The following RTL4 variants were observed in gnomAD, a reference collection of about 807,000 sequenced individuals.
RTL4 encodes retrotransposon Gag-like protein 4.
RTL4 carries 4 observed loss-of-function variants against 5.3 expected under a neutral mutation model. That is an observed-to-expected ratio of 0.75 (90% CI 0.37 to 1.72). The LOEUF is 1.72. Ranked by LOEUF, RTL4 falls within the 40% of genes most tolerant of loss-of-function variation. The probability of loss-of-function intolerance (pLI) is 0.04; values close to 1 mark genes in which losing one functional copy is unlikely to be tolerated. For synonymous variants in RTL4, 98 were observed against 87.3 expected, an observed-to-expected ratio of 1.12 and a Z score of -0.68; for missense variants, 260 against 227.1, an observed-to-expected ratio of 1.14 and a Z score of -0.93.
the RTL4 span, among the ~76,000 whole-genome samples, chrX:112,419,384 G>A: frequency 6.8e-5 from 3 of 44,206 alleles, no homozygotes; most frequent in South Asian, 1.7e-3. Context: ...TTTTTGAGAC[G>A]GAGTCTCACT....
At chrX:112,190,510 C>T in the RTL4 span, among the ~76,000 whole-genome samples, 3 of 111,714 alleles carry the variant, frequency 2.7e-5, no homozygotes, top group East Asian at 8.5e-4. Context: ...AACTTTCTAA[C>T]AGAGCCTGAC....
the RTL4 span, among the ~76,000 whole-genome samples, chrX:112,111,865 T>A: frequency 8.9e-6 from 1 of 112,106 alleles, no homozygotes; most frequent in Non-Finnish European, 1.9e-5. Context: ...TTGTTGGCAG[T>A]CATGCTCAAT....
At chrX:112,401,896 T>G in the RTL4 span, among the ~76,000 whole-genome samples, 1 of 112,332 alleles carries the variant, frequency 8.9e-6, no homozygotes, top group South Asian at 3.7e-4. Flanking sequence ...CCTTCTGCCT[T>G]ACTTTTAGGA....
the RTL4 span, among the ~76,000 whole-genome samples, chrX:112,307,417 T>G: frequency 8.9e-6 from 1 of 112,206 alleles, no homozygotes. Context: ...GTCCATATTA[T>G]GTCATTGATA....
At chrX:112,298,347 T>A in the RTL4 span, among the ~76,000 whole-genome samples, 1 of 111,817 alleles carries the variant, frequency 8.9e-6, no homozygotes, top group African/African-American at 3.3e-5. Context: ...CTCATAAACA[T>A]TAGTTATTAC....
chrX:112,224,449 C>T, the RTL4 span, among the ~76,000 whole-genome samples: 27 of 109,290 alleles, frequency 2.5e-4, no homozygotes, highest in Non-Finnish European at 9.5e-5. Flanking sequence ...TCAAGCGATT[C>T]TTGTGCCTCA....
chrX:112,156,291 A>T, the RTL4 span, among the ~76,000 whole-genome samples: 5 of 112,767 alleles, frequency 4.4e-5, no homozygotes, highest in Admixed American at 2.8e-4. Flanking sequence ...AAGCTAACTT[A>T]TTTGAAAATC....
exon 1 of RTL4, chrX:112,455,303 A>G (rs1926820088): frequency 7.4e-6 from 9 of 1,211,653 alleles, no homozygotes; most frequent in Non-Finnish European, 1.0e-5. Context: ...GCTGATCCCA[A>G]CCAGGATGAA....
At chrX:112,220,144 G>T in the RTL4 span, among the ~76,000 whole-genome samples, 2 of 111,822 alleles carry the variant, frequency 1.8e-5, no homozygotes, top group Non-Finnish European at 3.8e-5. Flanking sequence ...CTTTTTCCTA[G>T]AACACAATTG....
chrX:112,412,150 G>A, the RTL4 span, among the ~76,000 whole-genome samples: 2 of 111,372 alleles, frequency 1.8e-5, no homozygotes, highest in African/African-American at 3.3e-5. Context: ...AACTAAAGTA[G>A]TGAAAGATCT....
chrX:112,390,346 G>C, the RTL4 span, among the ~76,000 whole-genome samples: 1 of 102,021 alleles, frequency 9.8e-6, no homozygotes, highest in Non-Finnish European at 2.0e-5. Context: ...CAGCTACTCA[G>C]GAGGCTAAGG....
the RTL4 span, among the ~76,000 whole-genome samples, chrX:112,148,953 T>C: frequency 8.9e-6 from 1 of 111,763 alleles, no homozygotes; most frequent in Non-Finnish European, 1.9e-5. Flanking sequence ...TGGGTGTTAA[T>C]GGTGCCTCTA....
chrX:112,384,476 A>G, the RTL4 span, among the ~76,000 whole-genome samples: 1 of 111,907 alleles, frequency 8.9e-6, no homozygotes, highest in Admixed American at 9.5e-5. Context: ...TCCTCTCCCC[A>G]TTACTTGTTT....
At chrX:112,248,026 C>T in the RTL4 span, among the ~76,000 whole-genome samples, 1,975 of 112,242 alleles carry the variant, frequency 0.018, 44 homozygotes, top group African/African-American at 0.061. Context: ...AGGAGTCAAC[C>T]GGCCTCAAAC....
the RTL4 span, among the ~76,000 whole-genome samples, chrX:112,410,782 A>G: frequency 2.7e-5 from 3 of 112,195 alleles, no homozygotes; most frequent in African/African-American, 9.7e-5. Flanking sequence ...TCAAAAAATA[A>G]GAAAAACTTC....
the RTL4 span, among the ~76,000 whole-genome samples, chrX:112,356,740 C>T: frequency 9.0e-6 from 1 of 111,134 alleles, no homozygotes; most frequent in African/African-American, 3.3e-5. Context: ...CTTGCCATGG[C>T]GCCGACTCTG....
the RTL4 span, among the ~76,000 whole-genome samples, chrX:112,223,096 A>T: frequency 8.9e-6 from 1 of 112,310 alleles, no homozygotes; most frequent in Non-Finnish European, 1.9e-5. Context: ...GGGCCAGGAG[A>T]TCATATTATC....
the RTL4 span, among the ~76,000 whole-genome samples, chrX:112,279,396 A>C: frequency 1.9e-3 from 211 of 111,807 alleles, 3 homozygotes; most frequent in East Asian, 0.051. Context: ...AAACAAGAAA[A>C]CAAAAGAAAA....
At chrX:112,120,488 G>T in the RTL4 span, among the ~76,000 whole-genome samples, 13 of 110,146 alleles carry the variant, frequency 1.2e-4, no homozygotes, top group Non-Finnish European at 5.7e-5. Context: ...GTGTTAGCCA[G>T]GATAGTCTCG....
Sources: allele counts gnomAD v4.1 joint callset (sites outside exome capture counted in the v4.1 genomes callset), GRCh38; gene constraint gnomAD v4.1.1; transcripts MANE v1.5; gene names NCBI Gene and HGNC (gene_info 2026-07-23, HGNC 2026-07-21).